The following PSD3 variants were observed in gnomAD, a reference collection of about 807,000 sequenced individuals.
PSD3 encodes PH and SEC7 domain-containing protein 3.
A neutral mutation model predicts 105.5 loss-of-function variants in PSD3; 49 were observed. The ratio of observed to expected loss-of-function variants is 0.46; its 90% confidence interval spans 0.37 to 0.59. PSD3 has a LOEUF of 0.59. Ranked by LOEUF, PSD3 falls within the 20% of genes least tolerant of loss-of-function variation. The pLI is 0.00. For missense variants in PSD3, 1,561 were observed against 1,263.8 expected, an observed-to-expected ratio of 1.24 and a Z score of -3.57; for synonymous variants, 557 against 457.8, an observed-to-expected ratio of 1.22 and a Z score of -2.77.
chr8:18,897,944 T>C (rs1183287894), intron 2 of PSD3, among the ~76,000 whole-genome samples: 2 of 152,186 alleles, frequency 1.3e-5, no homozygotes, highest in African/African-American at 4.8e-5. Context: ...ATCATTTATC[T>C]GGCTAAAACT....
intron 11 of PSD3, among the ~76,000 whole-genome samples, chr8:18,616,315 T>C (rs1805660076): frequency 6.6e-6 from 1 of 152,228 alleles, no homozygotes; most frequent in East Asian, 1.9e-4. Context: ...TACATTTCTT[T>C]GACATATTTT....
intron 2 of PSD3, among the ~76,000 whole-genome samples, chr8:18,905,502 T>C (rs142093916): frequency 0.047 from 7,104 of 152,206 alleles, 203 homozygotes; most frequent in Admixed American, 0.08. Flanking sequence ...TTTTGTATTT[T>C]TAATAGACGG....
intron 4 of PSD3, among the ~76,000 whole-genome samples, chr8:18,836,560 T>C (rs971609890): frequency 6.6e-6 from 1 of 152,152 alleles, no homozygotes; most frequent in Non-Finnish European, 1.5e-5. Flanking sequence ...TTGTTTTCAG[T>C]GAATATATAC....
chr8:18,827,780 G>A (rs923717857), intron 4 of PSD3, among the ~76,000 whole-genome samples: 90 of 151,686 alleles, frequency 5.9e-4, no homozygotes, highest in African/African-American at 2.1e-3. Flanking sequence ...TTGAATTTGA[G>A]GCCAATTATA....
intron 15 of PSD3, among the ~76,000 whole-genome samples, chr8:18,540,153 G>C (rs1054230446): frequency 2.6e-5 from 4 of 152,174 alleles, no homozygotes; most frequent in East Asian, 1.9e-4. Flanking sequence ...AGTCTGCTAG[G>C]ACAGTTTATG....
intron 10 of PSD3, among the ~76,000 whole-genome samples, chr8:18,649,286 A>C (rs187524738): frequency 6.6e-6 from 1 of 152,324 alleles, no homozygotes; most frequent in Non-Finnish European, 1.5e-5. Flanking sequence ...AGGCCTTGGG[A>C]GCCCACTCCT....
At chr8:18,573,735 A>C (rs1014348170) in intron 13 of PSD3, among the ~76,000 whole-genome samples, 1 of 152,172 alleles carries the variant, frequency 6.6e-6, no homozygotes, top group Non-Finnish European at 1.5e-5. Flanking sequence ...AGTGTCCAGA[A>C]AGGGCAATAC....
chr8:18,633,966 G>T (rs922617059), intron 10 of PSD3, among the ~76,000 whole-genome samples: 21 of 151,496 alleles, frequency 1.4e-4, no homozygotes, highest in African/African-American at 5.1e-4. Context: ...ATTCTGACTG[G>T]TGTCAGATGG....
At chr8:18,706,894 ATTTATTTAAATT>A (rs1387404408) in intron 9 of PSD3, among the ~76,000 whole-genome samples, 1 of 152,224 alleles carries the variant, frequency 6.6e-6, no homozygotes, top group Non-Finnish European at 1.5e-5. Context: ...CTTAGACAGC[ATTTATTTAAATT>A]AATAAACTGG....
intron 2 of PSD3, among the ~76,000 whole-genome samples, chr8:18,898,658 G>A (rs1819305379): frequency 1.3e-5 from 2 of 152,162 alleles, no homozygotes; most frequent in African/African-American, 2.4e-5. Flanking sequence ...TTTGCATGTT[G>A]TATGTATTAT....
chr8:18,710,241 C>T (rs959530772), intron 9 of PSD3, among the ~76,000 whole-genome samples: 4 of 152,162 alleles, frequency 2.6e-5, no homozygotes, highest in African/African-American at 7.2e-5. Flanking sequence ...AGGAGAGAAT[C>T]TCAGAGGTGA....
In PSD3 at chr8:18,556,383, C is replaced by CAA. The variant is rs112511528; in HGVS notation, c.2785-33_2785-32dup. ...GGAAATCATGATGCCATTTAGCGTTCAAAAAAAAAACAAGTCAATAACAAA... is the reference window on the plus strand; with the variant it reads ...GGAAATCATGATGCCATTTAGCGTTCAAAAAAAAAAAACAAGTCAATAACAAA... On this transcript the variant is annotated intron_variant, in intron 14 of 15. Transcript: ENST00000327040. 13,640 of 1,341,118 alleles carry CAA rather than the reference C, an allele frequency of 0.01. 113 individuals are homozygous for CAA. In the East Asian group the frequency reaches 0.1, roughly 10 times the overall value. 83.1% of individuals were successfully genotyped at this position (1,341,118 alleles called of 1,614,324 possible).
In PSD3 at chr8:18,872,399, T is replaced by C; in HGVS notation, c.465A>G (p.Val155=). 1 of 1,614,222 alleles carries C rather than the reference T, an allele frequency of 6.2e-7. No homozygotes were observed. The part of the protein sequence containing the change: ...IISGTLQATK[V]LDQDAVSSFS... Reference sequence around the variant, plus strand: ...AACTAGAAACAGCATCTTGGTCCAGTACCTTTGTAGCCTGTAATGTTCCGG... The same window carrying C: ...AACTAGAAACAGCATCTTGGTCCAGCACCTTTGTAGCCTGTAATGTTCCGG... The change falls in exon 3 of 16, where the codon GTA becomes GTG. Residue 155 remains valine, a synonymous_variant. Coordinates refer to ENST00000327040, the MANE Select transcript of PSD3 (RefSeq NM_015310.4).
chr8:18,794,047 C>G lies in PSD3; in HGVS notation c.2082+5248G>C, dbSNP rs1810000450. ...TTGTTATGTGCTAAGAAAAATTCTT[C>G]TGCCTTGAGATTCTGTTAATCTATA... On this transcript the variant is annotated intron_variant, in intron 8 of 15. Transcript: ENST00000327040. 2.1e-4 allele frequency among the ~76,000 whole-genome samples: 4 copies of G among 18,894 alleles called. 2 individuals carry two copies. In the South Asian group the frequency reaches 4.0e-3, roughly 19 times the overall value. 12.4% of individuals were successfully genotyped at this position (18,894 alleles called of 152,430 possible).
At position 18,531,948 on chromosome 8, in the gene PSD3, C is replaced by A. The variant is rs1380899975; in HGVS notation, c.*3795G>T. On this transcript the variant is annotated 3_prime_UTR_variant, in exon 16 of 16. Coordinates refer to ENST00000327040, the MANE Select transcript of PSD3 (RefSeq NM_015310.4). Reference sequence around the variant, plus strand: ...ATTACAGAGATTCAAACCTGCAAAGCTAAACTTCTGTGAATTCAGGATGCA... The same window carrying A: ...ATTACAGAGATTCAAACCTGCAAAGATAAACTTCTGTGAATTCAGGATGCA... 1 of 152,180 alleles carries A rather than the reference C, an allele frequency of 6.6e-6. No individual in the cohort carries two copies. Among genetic ancestry groups the A allele is most frequent in the East Asian group, 1.9e-4 (1 of 5,196 alleles). 9.4% of individuals were successfully genotyped at this position (152,180 alleles called of 1,614,324 possible).
chr8:18,931,092 T>A (rs1264896421), intron 2 of PSD3, among the ~76,000 whole-genome samples: 1 of 152,174 alleles, frequency 6.6e-6, no homozygotes, highest in African/African-American at 2.4e-5. Flanking sequence ...ATATCTTCTT[T>A]GGTGAAGTAT....
intron 4 of PSD3, among the ~76,000 whole-genome samples, chr8:18,817,110 G>A (rs1812281197): frequency 1.3e-5 from 2 of 152,166 alleles, no homozygotes; most frequent in East Asian, 1.9e-4. Flanking sequence ...AGGGGAAGAG[G>A]AGTTAAAGAG....
rs908120086 is a variant in PSD3 at position 18,889,566 on chromosome 8, C to T, written c.131-16833G>A. Reference sequence around the variant, plus strand: ...TACCCAGCTTGGCTACCCTGTCTTGCCCGTTCCCTTCTGAAAAAACAAACA... The same window carrying T: ...TACCCAGCTTGGCTACCCTGTCTTGTCCGTTCCCTTCTGAAAAAACAAACA... On this transcript the variant is annotated intron_variant, in intron 2 of 15. Coordinates refer to ENST00000327040, the MANE Select transcript of PSD3 (RefSeq NM_015310.4). 4.6e-5 allele frequency among the ~76,000 whole-genome samples: 7 copies of T among 152,148 alleles called. 1 individual carries two copies. Among genetic ancestry groups the T allele is most frequent in the South Asian group, 2.1e-4 (1 of 4,828 alleles).
At chr8:18,583,293 G>C (rs1358869515) in intron 12 of PSD3, among the ~76,000 whole-genome samples, 1 of 152,090 alleles carries the variant, frequency 6.6e-6, no homozygotes, top group Admixed American at 6.6e-5. Flanking sequence ...AGAAAAATTA[G>C]TCAGGTGTGG....
Sources: allele counts gnomAD v4.1 joint callset (sites outside exome capture counted in the v4.1 genomes callset), GRCh38; gene constraint gnomAD v4.1.1; transcripts MANE v1.5; gene names NCBI Gene and HGNC (gene_info 2026-07-23, HGNC 2026-07-21).